Variants in CFAP91 observed in about 807,000 individuals in gnomAD.
CFAP91 encodes cilia and flagella associated protein 91.
In CFAP91, 85 loss-of-function variants were observed where a neutral mutation model predicts 95.9. The observed-to-expected ratio is 0.89, with a 90% CI of 0.74 to 1.06. CFAP91 has a LOEUF of 1.06. CFAP91 is among the 50% of genes least tolerant of loss of function. The pLI is 0.00. For missense variants in CFAP91, 962 were observed against 943.4 expected (o/e 1.02, Z -0.26); for synonymous variants, 335 against 327.5 (o/e 1.02, Z -0.25).
chr3:119,733,604 T>C lies in CFAP91; in HGVS notation c.1344+98T>C. On this transcript the variant is annotated intron_variant, in intron 10 of 17. Transcript: ENST00000273390. ...GCAGCAATGTCCAGTGGGTCAAACATAGACCTACATTCTCTGCTCTGCACT... is the reference window on the plus strand; with the variant it reads ...GCAGCAATGTCCAGTGGGTCAAACACAGACCTACATTCTCTGCTCTGCACT... The C allele has an allele frequency of 2.5e-6, 3 of 1,220,648 alleles. 1 individual carries two copies. The South Asian group carries it at 4.2e-5, about 17-fold the overall frequency. 75.6% of individuals were successfully genotyped at this position (1,220,648 alleles called of 1,614,324 possible).
chr3:119,737,536 A>G, intron 11 of CFAP91, 54 bp downstream of exon 11: 1 of 1,095,960 alleles, frequency 9.1e-7, no homozygotes, highest in South Asian at 1.4e-5. Context: ...TTGTCAGCTT[A>G]TTCTTAGGAT....
chr3:119,758,064 G>T (rs936312985), intron 17 of CFAP91, among the ~76,000 whole-genome samples: 4 of 152,022 alleles, frequency 2.6e-5, no homozygotes, highest in Non-Finnish European at 4.4e-5. Flanking sequence ...TGTTTGGTTG[G>T]TTGGTTGGTT....
chr3:119,709,839 G>A lies in CFAP91; in HGVS notation c.444G>A (p.Arg148=), dbSNP rs758687417. The change falls in exon 5 of 18, where the codon AGG becomes AGA. Residue 148 remains arginine, a splice_region_variant and synonymous_variant. Coordinates refer to ENST00000273390, the MANE Select transcript of CFAP91 (RefSeq NM_033364.4). ...TGKNRYKYFE[R]PFLPFFQQMP... ...ATTTATGTTTTCTTTTTCCTCCCAG[G>A]CCTTTTCTCCCATTTTTTCAGCAGA... 1.6e-5 allele frequency: 26 copies of A among 1,610,304 alleles called. 1 individual carries two copies. In the East Asian group the frequency reaches 5.6e-4, roughly 35 times the overall value.
intron 17 of CFAP91, among the ~76,000 whole-genome samples, chr3:119,757,390 T>A (rs2054453541): frequency 6.6e-6 from 1 of 152,076 alleles, no homozygotes; most frequent in Non-Finnish European, 1.5e-5. Flanking sequence ...ACGTCTGTAA[T>A]CCCAGCAATT....
At position 119,718,057 on chromosome 3, in the gene CFAP91, T is replaced by C. The variant is rs574241111; in HGVS notation, c.682+2314T>C. On this transcript the variant is annotated intron_variant, in intron 6 of 17. Transcript: ENST00000273390. ...GGCTGCTTATTGACCAGGGTGCTTA[T>C]GAGAGAAACCTGCAGCTGGTCTCCA... 1.6e-4 allele frequency among the ~76,000 whole-genome samples: 24 copies of C among 152,240 alleles called. No homozygotes were observed. In the South Asian group the frequency reaches 4.6e-3, roughly 29 times the overall value.
chr3:119,712,745 A>G lies in CFAP91; in HGVS notation c.501-2817A>G, dbSNP rs143202656. On this transcript the variant is annotated intron_variant, in intron 5 of 17. Transcript: ENST00000273390. ...CGAGGCAGGAGGATAACTTGAGGTCAGGAGTCTGAGACCAGCCTGGCCAAC... is the reference window on the plus strand; with the variant it reads ...CGAGGCAGGAGGATAACTTGAGGTCGGGAGTCTGAGACCAGCCTGGCCAAC... 6.0e-4 allele frequency among the ~76,000 whole-genome samples: 91 copies of G among 152,144 alleles called. 2 individuals carry two copies. The East Asian group carries it at 0.014, about 23-fold the overall frequency.
intron 17 of CFAP91, among the ~76,000 whole-genome samples, chr3:119,755,183 T>C (rs772671000): frequency 1.3e-5 from 2 of 152,196 alleles, no homozygotes; most frequent in East Asian, 1.9e-4. Context: ...CTTTGAACTT[T>C]AGACTTTAGA....
chr3:119,726,292 A>C lies in CFAP91; in HGVS notation c.804A>C (p.Lys268Asn). The C allele has an allele frequency of 6.2e-7, 1 of 1,613,826 alleles. No homozygotes were observed. Among genetic ancestry groups the C allele is most frequent in the South Asian group, 1.1e-5 (1 of 91,040 alleles). The change falls in exon 7 of 18, where the codon AAA becomes AAC. Residue 268 changes from lysine (K) to asparagine (N), a missense_variant. By Grantham distance (94) the Lys-to-Asn change is moderately conservative. Transcript: ENST00000273390. ...SDTSQFEKRRKMMNEMERKEW... is the reference protein window; with the variant it reads ...SDTSQFEKRRNMMNEMERKEW... ...CCTCCCAGTTTGAGAAGAGGAGGAA[A>C]ATGATGAATGAAATGGAGAGGAAGG...
chr3:119,725,579 C>T (rs963638983), intron 6 of CFAP91, among the ~76,000 whole-genome samples: 48 of 152,086 alleles, frequency 3.2e-4, no homozygotes, highest in African/African-American at 1.1e-3. Context: ...CATGGTGAAA[C>T]CTTGTCTCTA....
At chr3:119,736,810 T>C (rs1003536236) in intron 10 of CFAP91, among the ~76,000 whole-genome samples, 5 of 152,172 alleles carry the variant, frequency 3.3e-5, no homozygotes, top group African/African-American at 1.2e-4. Context: ...ACACCAAGAA[T>C]ATAACCATGT....
chr3:119,745,467 AAC>A (rs2054202835), intron 14 of CFAP91, among the ~76,000 whole-genome samples: 1 of 152,238 alleles, frequency 6.6e-6, no homozygotes, highest in Admixed American at 6.5e-5. Context: ...GACATAGAGG[AAC>A]ACACATAGCC....
chr3:119,728,013 AATG>A lies in CFAP91; in HGVS notation c.860+1689_860+1691del, dbSNP rs373100019. Among the ~76,000 whole-genome samples the A allele has an allele frequency of 3.8e-3, 565 of 150,512 alleles. 2 individuals are homozygous for A. The highest frequency in any genetic ancestry group is 0.01 in the African/African-American group (421 of 40,960). On this transcript the variant is annotated intron_variant, in intron 7 of 17. Transcript: ENST00000273390. Reference sequence around the variant, plus strand: ...TCAATAATATCAGATTGATGATGATAATGATGATGATGATGATGATGATGATAA... The same window carrying A: ...TCAATAATATCAGATTGATGATGATAATGATGATGATGATGATGATGATAA...
chr3:119,715,816 T>G (rs1205733632), intron 6 of CFAP91, 73 bp downstream of exon 6: 1 of 1,346,076 alleles, frequency 7.4e-7, no homozygotes, highest in African/African-American at 1.4e-5. Context: ...AAATGGCCCA[T>G]GTACAGGCAA....
At chr3:119,714,429 G>T (rs996393079) in intron 5 of CFAP91, among the ~76,000 whole-genome samples, 1 of 151,648 alleles carries the variant, frequency 6.6e-6, no homozygotes, top group Non-Finnish European at 1.5e-5. Flanking sequence ...TGTCAATTTG[G>T]TGTACCTATT....
At chr3:119,762,945 C>G (rs1322152344) in intron 17 of CFAP91, among the ~76,000 whole-genome samples, 2 of 151,798 alleles carry the variant, frequency 1.3e-5, no homozygotes, top group Non-Finnish European at 2.9e-5. Context: ...AAAGCACAGG[C>G]AACAAAAGTG....
intron 16 of CFAP91, chr3:119,750,589 A>G (rs2054307140): frequency 1.8e-5 from 5 of 271,046 alleles, no homozygotes; most frequent in Admixed American, 9.9e-5. Context: ...AAGTGCTTCA[A>G]TGCTGAATAG....
rs2054006278 is a variant in CFAP91 at position 119,736,340 on chromosome 3, C to T, written c.1345-1026C>T. ...AGGCTGGAGGGCAGTGGTGCGATCT[C>T]CGCTCACTGCAAGCTCTGCCTCCCA... is the stretch of plus-strand genomic sequence containing the variant. On this transcript the variant is annotated intron_variant, in intron 10 of 17. Coordinates refer to ENST00000273390, the MANE Select transcript of CFAP91 (RefSeq NM_033364.4). Among the ~76,000 whole-genome samples, 4 of 139,424 alleles carry T rather than the reference C, an allele frequency of 2.9e-5. No individual in the cohort carries two copies. In the Admixed American group the frequency reaches 3.1e-4, roughly 11 times the overall value. The allele number at this position is 139,424 out of a possible 152,430, so 91.5% of individuals were successfully genotyped here. A position where few individuals can be genotyped will look rare whatever the true frequency, so the allele number is the denominator to read the frequency against.
intron 10 of CFAP91, among the ~76,000 whole-genome samples, chr3:119,733,918 G>A (rs973398614): frequency 6.6e-6 from 1 of 152,276 alleles, no homozygotes. Context: ...TGTAGTTAAA[G>A]CTCTAAAGGC....
chr3:119,744,106 G>A lies in CFAP91; in HGVS notation c.1812G>A (p.Glu604=), dbSNP rs558834711. 8 of 1,614,222 alleles carry A rather than the reference G, an allele frequency of 5.0e-6. No homozygotes were observed. In the African/African-American group the frequency reaches 8.0e-5, roughly 16 times the overall value. ...TCCATGCCTTTGTCATGCTGGCTGA[G>A]CGCCAGCGGCGGGTACGAGAGGCTG... ...RRIHAFVMLA[E]RQRRVREAEE... The change falls in exon 14 of 18, where the codon GAG becomes GAA. Residue 604 remains glutamate, a synonymous_variant. Transcript: ENST00000273390.
Sources: gnomAD v4.1 joint callset for allele counts (sites outside exome capture counted in the v4.1 genomes callset) on GRCh38, gnomAD v4.1.1 for gene constraint, MANE v1.5 for transcripts, NCBI Gene and HGNC (gene_info 2026-07-23, HGNC 2026-07-21) for gene names.